Variants in PRKCQ observed in about 807,000 individuals in gnomAD.
The protein encoded by PRKCQ is protein kinase C theta.
In PRKCQ, 41 loss-of-function variants were observed where a neutral mutation model predicts 91.2. That is an observed-to-expected ratio of 0.45 (90% CI 0.35 to 0.58). The LOEUF is 0.58. PRKCQ is among the 20% of genes least tolerant of loss of function. The pLI is 0.00. For missense variants in PRKCQ, 673 were observed against 896.5 expected (o/e 0.75, Z 3.18); for synonymous variants, 307 against 316.9 (o/e 0.97, Z 0.33).
chr10:6,537,015 T>C (rs1405807182), intron 1 of PRKCQ, among the ~76,000 whole-genome samples: 2 of 152,144 alleles, frequency 1.3e-5, no homozygotes, highest in African/African-American at 4.8e-5. Flanking sequence ...TGAGCTCTGG[T>C]GGGGCTGACG....
chr10:6,404,828 C>A, the PRKCQ span, among the ~76,000 whole-genome samples: 4 of 127,416 alleles, frequency 3.1e-5, no homozygotes, highest in East Asian at 9.2e-4. Context: ...TCTTTCTTTC[C>A]TTCTTTCTTT....
intron 1 of PRKCQ, among the ~76,000 whole-genome samples, chr10:6,569,873 C>G (rs1437729575): frequency 6.6e-6 from 1 of 151,992 alleles, no homozygotes; most frequent in Non-Finnish European, 1.5e-5. Flanking sequence ...TTAGACGTGC[C>G]CAGGAACTTT....
At chr10:6,478,157 C>T (rs371329024) in intron 12 of PRKCQ, among the ~76,000 whole-genome samples, 22 of 152,232 alleles carry the variant, frequency 1.4e-4, no homozygotes, top group African/African-American at 3.9e-4. Flanking sequence ...TATCCAAAGA[C>T]GTAAGAAAAT....
rs79023350 is a variant in PRKCQ, at chr10:6,544,399, C to T, written c.-9-29255G>A. ...AACCAATTTGCCCATTCTAATAATG[C>T]GATGACCACAGAATATATTGTTAAC... On this transcript the variant is annotated intron_variant, in intron 1 of 17. Coordinates refer to ENST00000263125, the MANE Select transcript of PRKCQ (RefSeq NM_006257.5). 5.9e-3 allele frequency among the ~76,000 whole-genome samples: 894 copies of T among 152,196 alleles called. 4 individuals carry two copies. Among genetic ancestry groups the T allele is most frequent in the Non-Finnish European group, 8.9e-3 (608 of 68,022 alleles).
chr10:6,433,078 T>C (rs1485547806), intron 16 of PRKCQ, among the ~76,000 whole-genome samples: 1 of 152,208 alleles, frequency 6.6e-6, no homozygotes, highest in Non-Finnish European at 1.5e-5. Flanking sequence ...TCATGATTCT[T>C]ACGACTGATA....
chr10:6,446,742 T>TTGCC (rs1433715827), intron 15 of PRKCQ, among the ~76,000 whole-genome samples: 1 of 152,206 alleles, frequency 6.6e-6, no homozygotes, highest in East Asian at 1.9e-4. Context: ...CCCCGGGACC[T>TTGCC]TGCCTCATTG....
At chr10:6,425,630 A>G (rs1833098790), downstream of PRKCQ, among the ~76,000 whole-genome samples, 2 of 152,156 alleles carry the variant, frequency 1.3e-5, no homozygotes, top group African/African-American at 4.8e-5. Flanking sequence ...CGAAGCAAAT[A>G]GTAAGCTTGT....
intron 1 of PRKCQ, among the ~76,000 whole-genome samples, chr10:6,537,658 G>A (rs979999542): frequency 5.3e-5 from 8 of 152,170 alleles, no homozygotes; most frequent in African/African-American, 1.7e-4. Context: ...TGAGATCTTC[G>A]TCAGGAGACC....
chr10:6,434,618 T>C (rs1833606062), intron 16 of PRKCQ, among the ~76,000 whole-genome samples: 1 of 152,184 alleles, frequency 6.6e-6, no homozygotes, highest in South Asian at 2.1e-4. Flanking sequence ...CTTGATTTTG[T>C]CTGTAAAAGC....
intron 4 of PRKCQ, among the ~76,000 whole-genome samples, chr10:6,502,077 A>C (rs1011604511): frequency 6.6e-6 from 1 of 152,202 alleles, no homozygotes; most frequent in Admixed American, 6.5e-5. Context: ...GCCTCACCAG[A>C]AACTTGGCAC....
At chr10:6,436,567 A>T (rs1004334155) in intron 16 of PRKCQ, among the ~76,000 whole-genome samples, 24 of 151,884 alleles carry the variant, frequency 1.6e-4, no homozygotes, top group Non-Finnish European at 3.5e-4. Context: ...AGTCACGCCC[A>T]CCCTCCTGTC....
intron 15 of PRKCQ, among the ~76,000 whole-genome samples, chr10:6,454,871 A>T (rs1046836101): frequency 9.2e-5 from 14 of 152,178 alleles, no homozygotes; most frequent in Non-Finnish European, 1.8e-4. Flanking sequence ...AAGCACACGT[A>T]AAAGAAAAGA....
chr10:6,561,687 AC>A (rs1049214871), intron 1 of PRKCQ, among the ~76,000 whole-genome samples: 1 of 152,206 alleles, frequency 6.6e-6, no homozygotes, highest in African/African-American at 2.4e-5. Flanking sequence ...TGAAGTTCAA[AC>A]CTCCAAGTTA....
At position 6,497,638 on chromosome 10, in the gene PRKCQ, T is replaced by C. The variant is rs191283565; in HGVS notation, c.543-387A>G. Among the ~76,000 whole-genome samples the C allele has an allele frequency of 2.6e-5, 4 of 152,330 alleles. No individual in the cohort carries two copies. Among genetic ancestry groups the C allele is most frequent in the African/African-American group, 9.6e-5 (4 of 41,584 alleles). On this transcript the variant is annotated intron_variant, in intron 5 of 17. Transcript: ENST00000263125. This position sits in a 1 kb window ranked among gnomAD's most constrained non-coding sequence, Gnocchi z 4.5. ...ACATCTGTAACATTTTATTTCCTCTTTCTGAGCATCTGAGAATATTTGCAA... is the reference window on the plus strand; with the variant it reads ...ACATCTGTAACATTTTATTTCCTCTCTCTGAGCATCTGAGAATATTTGCAA...
intron 14 of PRKCQ, 50 bp from the exon 15 acceptor site, chr10:6,456,862 T>G: frequency 6.3e-7 from 1 of 1,599,372 alleles, no homozygotes; most frequent in Non-Finnish European, 8.5e-7. Context: ...ATAATTTGGT[T>G]AACATAAAAT....
chr10:6,461,976 G>A (rs1004051116), intron 14 of PRKCQ, among the ~76,000 whole-genome samples: 3 of 152,024 alleles, frequency 2.0e-5, no homozygotes, highest in African/African-American at 7.2e-5. Context: ...GAGGTATGAA[G>A]GGGACAAAAG....
At chr10:6,445,677 C>T (rs1834244538) in intron 15 of PRKCQ, among the ~76,000 whole-genome samples, 1 of 152,214 alleles carries the variant, frequency 6.6e-6, no homozygotes, top group Non-Finnish European at 1.5e-5. Context: ...TATAAAAATG[C>T]TACCCACTAC....
chr10:6,516,642 C>A (rs145000135), intron 1 of PRKCQ, among the ~76,000 whole-genome samples: 4 of 152,130 alleles, frequency 2.6e-5, no homozygotes, highest in Admixed American at 6.5e-5. Flanking sequence ...TCTTCAGTTA[C>A]GGGAGTTTTT....
chr10:6,518,996 C>T (rs560589463), intron 1 of PRKCQ, among the ~76,000 whole-genome samples: 6 of 152,122 alleles, frequency 3.9e-5, no homozygotes, highest in African/African-American at 1.4e-4. Context: ...CAGATATACA[C>T]ACCTGTGTAT....
Sources: gnomAD v4.1 joint callset for allele counts (sites outside exome capture counted in the v4.1 genomes callset) on GRCh38, gnomAD v4.1.1 for gene constraint, Gnocchi (gnomAD v3.1) non-coding constraint, MANE v1.5 for transcripts, NCBI Gene and HGNC (gene_info 2026-07-23, HGNC 2026-07-21) for gene names.